The following RALGAPA1 variants were observed in gnomAD, a reference collection of about 807,000 sequenced individuals.
RALGAPA1 encodes the protein Ral GTPase activating protein catalytic subunit alpha 1.
In RALGAPA1, 52 loss-of-function variants were observed where a neutral mutation model predicts 269.6. That is an observed-to-expected ratio of 0.19 (90% CI 0.15 to 0.24). The LOEUF (loss-of-function observed/expected upper bound fraction) is 0.24, where lower values mean the gene tolerates loss of function less well. RALGAPA1 is among the 10% of genes least tolerant of loss of function. The probability of loss-of-function intolerance (pLI) is 1.00; values close to 1 mark genes in which losing one functional copy is unlikely to be tolerated. For synonymous variants in RALGAPA1, 817 were observed against 1,008.3 expected (o/e 0.81, Z 3.60); for missense variants, 1,917 against 3,013.9 (o/e 0.64, Z 8.52).
intron 35 of RALGAPA1, among the ~76,000 whole-genome samples, chr14:35,618,081 A>G (rs1427085675): frequency 2.0e-5 from 3 of 152,190 alleles, no homozygotes; most frequent in Non-Finnish European, 2.9e-5. Context: ...CTGAAAGAAA[A>G]ATTAGAAATG....
At chr14:35,622,478 C>T (rs1333431176) in intron 35 of RALGAPA1, among the ~76,000 whole-genome samples, 5 of 152,070 alleles carry the variant, frequency 3.3e-5, no homozygotes, top group South Asian at 2.1e-4. Context: ...CAAACCTGCA[C>T]GTTGTGCACA....
chr14:35,557,090 C>T (rs2055682218), intron 39 of RALGAPA1, among the ~76,000 whole-genome samples: 1 of 116,410 alleles, frequency 8.6e-6, no homozygotes. Flanking sequence ...TATGATTATC[C>T]AATATGTATG....
At chr14:35,630,964 T>C (rs1476604781) in intron 33 of RALGAPA1, among the ~76,000 whole-genome samples, 1 of 152,182 alleles carries the variant, frequency 6.6e-6, no homozygotes, top group African/African-American at 2.4e-5. Context: ...TAACCAGCCA[T>C]TCAATACTAG....
intron 31 of RALGAPA1, among the ~76,000 whole-genome samples, chr14:35,637,181 C>T (rs1359519754): frequency 6.6e-6 from 1 of 152,216 alleles, no homozygotes; most frequent in African/African-American, 2.4e-5. Flanking sequence ...CATCAACAAA[C>T]ATCAAGACCA....
At chr14:35,605,067 A>G (rs2059512135) in intron 36 of RALGAPA1, among the ~76,000 whole-genome samples, 1 of 152,144 alleles carries the variant, frequency 6.6e-6, no homozygotes, top group Non-Finnish European at 1.5e-5. Context: ...AAGTATACCC[A>G]CTAGAACTGT....
intron 1 of RALGAPA1, among the ~76,000 whole-genome samples, chr14:35,802,394 G>A (rs550294637): frequency 1.3e-5 from 2 of 152,246 alleles, no homozygotes; most frequent in South Asian, 2.1e-4. Context: ...GGTATTTCCT[G>A]ATATGAGATC....
intron 31 of RALGAPA1, among the ~76,000 whole-genome samples, chr14:35,638,226 G>A (rs905517939): frequency 6.6e-6 from 1 of 152,094 alleles, no homozygotes; most frequent in Non-Finnish European, 1.5e-5. Flanking sequence ...GTAGAAAGAT[G>A]AAAAGATGAA....
At chr14:35,796,131 G>T (rs1304072079) in intron 1 of RALGAPA1, among the ~76,000 whole-genome samples, 6 of 152,094 alleles carry the variant, frequency 3.9e-5, no homozygotes, top group Non-Finnish European at 2.9e-5. Flanking sequence ...AATTAGCAGA[G>T]AAGTATATCA....
intron 1 of RALGAPA1, among the ~76,000 whole-genome samples, chr14:35,788,457 A>G (rs924450154): frequency 4.6e-5 from 7 of 152,118 alleles, no homozygotes; most frequent in Non-Finnish European, 1.0e-4. Context: ...AATTTTATAT[A>G]CAGGTAAACT....
chr14:35,750,696 CAAAATAAAAGGAAGATGA>C lies in RALGAPA1; in HGVS notation c.803-24_803-7del. The stretch of plus-strand genomic sequence containing the variant: ...TGGTCTCATCTGCGGGATGTCTGTG[CAAAATAAAAGGAAGATGA>C]AAACCAAAATAAGAAAGAAATTATG... On this transcript the variant is annotated splice_polypyrimidine_tract_variant and splice_region_variant and intron_variant, in intron 8 of 41. Coordinates refer to ENST00000680220, the MANE Select transcript of RALGAPA1 (RefSeq NM_001346249.2). The C allele has an allele frequency of 6.4e-7, 1 of 1,558,744 alleles. No homozygotes were observed. Among genetic ancestry groups the C allele is most frequent in the Non-Finnish European group, 8.7e-7 (1 of 1,153,428 alleles).
intron 30 of RALGAPA1, 116 bp downstream of exon 30, chr14:35,654,251 G>A: frequency 9.8e-7 from 1 of 1,023,204 alleles, no homozygotes; most frequent in East Asian, 3.0e-5. Flanking sequence ...ATGATGGGTA[G>A]CCATTATTTA....
chr14:35,599,772 A>C (rs917004050), intron 36 of RALGAPA1, among the ~76,000 whole-genome samples: 56 of 151,790 alleles, frequency 3.7e-4, no homozygotes, highest in African/African-American at 1.2e-3. Context: ...GACAAAATAA[A>C]CAAACAAAAA....
At chr14:35,563,108 A>G (rs1424988639) in intron 39 of RALGAPA1, among the ~76,000 whole-genome samples, 2 of 150,900 alleles carry the variant, frequency 1.3e-5, no homozygotes, top group African/African-American at 2.4e-5. Context: ...ACCTTGTTCT[A>G]ATTAGAATAA....
chr14:35,611,866 C>T (rs1042044964), intron 35 of RALGAPA1, among the ~76,000 whole-genome samples: 2 of 152,168 alleles, frequency 1.3e-5, no homozygotes, highest in South Asian at 2.1e-4. Context: ...TTGGAGAACT[C>T]ATACTTCTTG....
intron 31 of RALGAPA1, among the ~76,000 whole-genome samples, chr14:35,636,122 G>C (rs2061650260): frequency 6.6e-6 from 1 of 151,796 alleles, no homozygotes; most frequent in Non-Finnish European, 1.5e-5. Context: ...TATTGCCCAG[G>C]CTGGCCTTGA....
Position 35,738,667 on chromosome 14 carries a change from A to C in RALGAPA1, c.1450-17T>G. On this transcript the variant is annotated splice_polypyrimidine_tract_variant and intron_variant, in intron 11 of 41. Coordinates refer to ENST00000680220, the MANE Select transcript of RALGAPA1 (RefSeq NM_001346249.2). ...CCCATTTTCCTGAAGCAAAATATCA[A>C]GTTTTTAATATTTCATTACTAAGAA... is the stretch of plus-strand genomic sequence containing the variant. The C allele has an allele frequency of 6.3e-7, 1 of 1,595,422 alleles. No homozygotes were observed. Among genetic ancestry groups the C allele is most frequent in the Non-Finnish European group, 8.5e-7 (1 of 1,172,362 alleles).
At chr14:35,685,867 G>A (rs561673875) in intron 19 of RALGAPA1, among the ~76,000 whole-genome samples, 1 of 152,196 alleles carries the variant, frequency 6.6e-6, no homozygotes, top group Non-Finnish European at 1.5e-5. Context: ...ACTCCACCCT[G>A]GGCGACAAAG....
chr14:35,631,284 AC>A (rs1282155574), intron 33 of RALGAPA1, among the ~76,000 whole-genome samples: 1 of 152,110 alleles, frequency 6.6e-6, no homozygotes, highest in East Asian at 1.9e-4. Flanking sequence ...TAATTTCCAT[AC>A]TTTTTTCTCT....
intron 1 of RALGAPA1, among the ~76,000 whole-genome samples, chr14:35,796,989 G>A (rs1178862744): frequency 2.6e-5 from 4 of 151,924 alleles, no homozygotes; most frequent in African/African-American, 4.8e-5. Context: ...GGGTTTCACC[G>A]TGTTAGCCAG....
Sources: gnomAD v4.1 joint callset for allele counts (sites outside exome capture counted in the v4.1 genomes callset) on GRCh38, gnomAD v4.1.1 for gene constraint, MANE v1.5 for transcripts, NCBI Gene and HGNC (gene_info 2026-07-23, HGNC 2026-07-21) for gene names.